Variants in ADCY8 observed in about 807,000 individuals in gnomAD.
ADCY8 encodes the protein adenylate cyclase type 8.
A neutral mutation model predicts 119.7 loss-of-function variants in ADCY8; 51 were observed. The observed-to-expected ratio is 0.43, with a 90% CI of 0.34 to 0.54. The LOEUF is 0.54. Among genes scored for constraint, ADCY8 ranks in the 20% least tolerant of loss-of-function variants. The pLI is 0.03. For synonymous variants in ADCY8, 665 were observed against 651.0 expected (o/e 1.02, Z -0.33); for missense variants, 1,383 against 1,598.8 (o/e 0.87, Z 2.30).
In ADCY8 at chr8:130,946,537, G is replaced by T. The variant is rs148184019; in HGVS notation, c.1242-3075C>A. 4.8e-3 allele frequency among the ~76,000 whole-genome samples: 738 copies of T among 152,270 alleles called. 2 individuals carry two copies. Among genetic ancestry groups the T allele is most frequent in the African/African-American group, 0.017 (714 of 41,550 alleles). Reference sequence around the variant, plus strand: ...CCCTCTGGAGACTTCCCCAAGCATAGCCAGTTATCCCCAACTCAAGCTTCT... The same window carrying T: ...CCCTCTGGAGACTTCCCCAAGCATATCCAGTTATCCCCAACTCAAGCTTCT... On this transcript the variant is annotated intron_variant, in intron 3 of 17. Transcript: ENST00000286355.
At chr8:130,789,275 T>C (rs767154123) in intron 15 of ADCY8, among the ~76,000 whole-genome samples, 1 of 152,204 alleles carries the variant, frequency 6.6e-6, no homozygotes, top group East Asian at 1.9e-4. Flanking sequence ...CTGGCTAATC[T>C]CAATGTCTGT....
chr8:130,891,784 A>G (rs1048342610), intron 7 of ADCY8, among the ~76,000 whole-genome samples: 5 of 152,148 alleles, frequency 3.3e-5, no homozygotes, highest in African/African-American at 1.2e-4. Flanking sequence ...TGAGATCTCC[A>G]AGACCCTGTC....
intron 8 of ADCY8, among the ~76,000 whole-genome samples, chr8:130,872,476 A>T (rs1818403622): frequency 6.6e-6 from 1 of 152,206 alleles, no homozygotes. Context: ...TAGGTGCATG[A>T]TCAGATTTCT....
chr8:130,899,383 A>C (rs1291293359), intron 7 of ADCY8, among the ~76,000 whole-genome samples: 1 of 152,168 alleles, frequency 6.6e-6, no homozygotes, highest in African/African-American at 2.4e-5. Context: ...AGGCGAGTGC[A>C]TCATTTGAGG....
chr8:130,965,342 T>C (rs1014239787), intron 2 of ADCY8, among the ~76,000 whole-genome samples: 3 of 152,140 alleles, frequency 2.0e-5, no homozygotes, highest in Non-Finnish European at 4.4e-5. Context: ...AAAGGGAGGA[T>C]GGAGGGGGAA....
At chr8:130,865,736 C>G (rs2060473) in intron 9 of ADCY8, among the ~76,000 whole-genome samples, 66,366 of 151,896 alleles carry the variant, frequency 0.44, 15,062 homozygotes, top group African/African-American at 0.57. Context: ...TTCAAAACAT[C>G]ATAGCTAGAA....
Position 130,904,054 on chromosome 8 carries a change from A to G in ADCY8, c.1641-12T>C. 1 of 1,608,008 alleles carries G rather than the reference A, an allele frequency of 6.2e-7. No individual in the cohort carries two copies. Reference sequence around the variant, plus strand: ...AAATGTGAATCCTCCTGTGTGTAGAAGGCATAGGTCATTACACACTCCTGA... The same window carrying G: ...AAATGTGAATCCTCCTGTGTGTAGAGGGCATAGGTCATTACACACTCCTGA... On this transcript the variant is annotated splice_polypyrimidine_tract_variant and intron_variant, in intron 6 of 17. Transcript: ENST00000286355.
At chr8:130,904,562 T>C (rs772238998) in intron 6 of ADCY8, among the ~76,000 whole-genome samples, 10 of 152,250 alleles carry the variant, frequency 6.6e-5, no homozygotes, top group Non-Finnish European at 1.2e-4. Flanking sequence ...AGGGTGATTC[T>C]GATAAGTCCA....
chr8:131,028,119 T>G (rs1355864558), intron 1 of ADCY8, among the ~76,000 whole-genome samples: 2 of 152,170 alleles, frequency 1.3e-5, no homozygotes, highest in African/African-American at 4.8e-5. Context: ...CTTTTAGACA[T>G]GAAGAAATTT....
Position 130,909,717 on chromosome 8 carries a change from C to G in ADCY8, c.1631G>C (p.Gly544Ala). 2 of 1,614,114 alleles carry G rather than the reference C, an allele frequency of 1.2e-6. No homozygotes were observed. The highest frequency in any genetic ancestry group is 2.2e-5 in the South Asian group (2 of 91,074). Residue 544 changes from glycine (G) to alanine (A), a missense_variant, in exon 6 of 18, where the codon GGA (glycine) becomes GCA (alanine). Gly to Ala is a moderately conservative substitution (Grantham distance 60). This residue lies in a region of ADCY8 where 928 missense variants were observed against 1,163.5 expected (regional missense o/e 0.80). Transcript: ENST00000286355. ...VDIANKLESG[G>A]IPGRIHISKA... ...CTTTGCTTTATCTTACCCAGGGATTCCTCCAGATTCGAGTTTGTTTGCAAT... is the reference window on the plus strand; with the variant it reads ...CTTTGCTTTATCTTACCCAGGGATTGCTCCAGATTCGAGTTTGTTTGCAAT...
intron 15 of ADCY8, among the ~76,000 whole-genome samples, chr8:130,798,300 A>G (rs971231727): frequency 2.0e-5 from 3 of 152,174 alleles, no homozygotes; most frequent in Non-Finnish European, 2.9e-5. Flanking sequence ...TTACCTGGAT[A>G]GAGATGGGGG....
At position 130,904,017 on chromosome 8, in the gene ADCY8, G is replaced by C; in HGVS notation, c.1666C>G (p.Leu556Val). The change falls in exon 7 of 18, where the codon CTG becomes GTG. Residue 556 changes from leucine to valine, a missense_variant. Coordinates refer to ENST00000286355, the MANE Select transcript of ADCY8 (RefSeq NM_001115.3). ...PGRIHISKATLDCLNGDYNVE... is the reference protein window; with the variant it reads ...PGRIHISKATVDCLNGDYNVE... ...TTATAGTCACCGTTGAGACAGTCCAGCGTGGCTTTGGAAATGTGAATCCTC... is the reference window on the plus strand; with the variant it reads ...TTATAGTCACCGTTGAGACAGTCCACCGTGGCTTTGGAAATGTGAATCCTC... 11 of 1,613,318 alleles carry C rather than the reference G, an allele frequency of 6.8e-6. No individual in the cohort carries two copies. The highest frequency in any genetic ancestry group is 9.3e-6 in the Non-Finnish European group (11 of 1,179,352).
At chr8:130,917,763 TTGTGTGTGTGTGTG>T (rs146136196) in intron 5 of ADCY8, among the ~76,000 whole-genome samples, 4 of 147,352 alleles carry the variant, frequency 2.7e-5, no homozygotes, top group East Asian at 2.0e-4. Context: ...CACAGGGAGT[TTGTGTGTGTGTGTG>T]TGTGTGTGTG....
At chr8:131,038,543 T>C (rs1001565236) in intron 1 of ADCY8, among the ~76,000 whole-genome samples, 4 of 152,114 alleles carry the variant, frequency 2.6e-5, no homozygotes, top group East Asian at 1.9e-4. Flanking sequence ...GTGAACTTTG[T>C]TCACATAAGC....
chr8:130,832,220 T>G (rs1412801336), intron 12 of ADCY8, among the ~76,000 whole-genome samples: 1 of 152,128 alleles, frequency 6.6e-6, no homozygotes, highest in African/African-American at 2.4e-5. Context: ...GTGCCTCTCC[T>G]GTTTTGGGCT....
At chr8:130,786,091 C>T (rs1436596866) in intron 15 of ADCY8, among the ~76,000 whole-genome samples, 1 of 152,202 alleles carries the variant, frequency 6.6e-6, no homozygotes, top group African/African-American at 2.4e-5. Flanking sequence ...GCATCCCATT[C>T]CCACATACAT....
intron 2 of ADCY8, among the ~76,000 whole-genome samples, chr8:130,957,565 C>T (rs1474073406): frequency 6.6e-6 from 1 of 152,172 alleles, no homozygotes; most frequent in Admixed American, 6.5e-5. Flanking sequence ...AATGTTAATC[C>T]CCAGGACAAT....
intron 2 of ADCY8, among the ~76,000 whole-genome samples, chr8:130,978,055 T>A (rs1586624406): frequency 2.0e-5 from 3 of 152,132 alleles, no homozygotes; most frequent in Non-Finnish European, 4.4e-5. Context: ...TGGAGAAGCT[T>A]CACTCTGCCT....
At chr8:130,807,772 CAGG>C in intron 14 of ADCY8, among the ~76,000 whole-genome samples, 1 of 151,612 alleles carries the variant, frequency 6.6e-6, no homozygotes, top group Non-Finnish European at 1.5e-5. Context: ...ATCACGAGGT[CAGG>C]AGATCGAGAC....
Sources: allele counts gnomAD v4.1 joint callset (sites outside exome capture counted in the v4.1 genomes callset), GRCh38; gene constraint gnomAD v4.1.1; regional missense constraint gnomAD v4.1.1; transcripts MANE v1.5; gene names NCBI Gene and HGNC (gene_info 2026-07-23, HGNC 2026-07-21).